The following LRBA variants were observed in gnomAD, a reference collection of about 807,000 sequenced individuals.
LRBA encodes the protein lipopolysaccharide-responsive and beige-like anchor protein.
Under a neutral mutation model 330.0 loss-of-function variants are expected in LRBA, and 176 were observed. The ratio of observed to expected loss-of-function variants is 0.53; its 90% CI spans 0.47 to 0.60. The LOEUF is 0.60. Among genes scored for constraint, LRBA ranks in the 20% least tolerant of loss-of-function variants. The pLI is 0.00. For missense variants in LRBA, 3,259 were observed against 3,444.8 expected, an observed-to-expected ratio of 0.95 and a Z score of 1.35; for synonymous variants, 1,230 against 1,193.0, an observed-to-expected ratio of 1.03 and a Z score of -0.64.
At chr4:150,711,417 T>C (rs1786198978) in intron 36 of LRBA, among the ~76,000 whole-genome samples, 1 of 151,722 alleles carries the variant, frequency 6.6e-6, no homozygotes, top group Non-Finnish European at 1.5e-5. Context: ...TTTGTATTTT[T>C]AGTAGAGAAG....
chr4:150,802,050 TCA>T (rs1466256455), intron 33 of LRBA, among the ~76,000 whole-genome samples: 17 of 15,564 alleles, frequency 1.1e-3, no homozygotes, highest in Non-Finnish European at 3.1e-3. Flanking sequence ...AATAAATAAA[TCA>T]ATAAAATTTT....
chr4:150,587,119 G>A (rs1772206923), intron 40 of LRBA, among the ~76,000 whole-genome samples: 1 of 152,098 alleles, frequency 6.6e-6, no homozygotes. Flanking sequence ...ATATGTGTGA[G>A]ACATGATTTG....
intron 47 of LRBA, among the ~76,000 whole-genome samples, chr4:150,378,208 A>G (rs1561090339): frequency 6.6e-6 from 1 of 152,178 alleles, no homozygotes. Context: ...ACTACCTGCC[A>G]ATTTGGTTTT....
intron 47 of LRBA, among the ~76,000 whole-genome samples, chr4:150,388,179 T>C (rs1306608770): frequency 1.3e-5 from 2 of 152,234 alleles, no homozygotes; most frequent in Non-Finnish European, 2.9e-5. Context: ...ACCCTTCCTC[T>C]TTCATAAAGA....
At position 150,674,938 on chromosome 4, in the gene LRBA, C is replaced by A. The variant is rs146628479; in HGVS notation, c.5921+8613G>T. Among the ~76,000 whole-genome samples the A allele has an allele frequency of 3.9e-3, 585 of 151,910 alleles. 1 individual carries two copies. The highest frequency in any genetic ancestry group is 0.013 in the African/African-American group (551 of 41,424). On this transcript the variant is annotated intron_variant, in intron 37 of 56. Coordinates refer to ENST00000651943, the MANE Select transcript of LRBA (RefSeq NM_001364905.1). Reference sequence around the variant, plus strand: ...CCAACTACTAATATTAAGAAGTTGACTGGGTGTAATGGCTCACGCCTATAA... The same window carrying A: ...CCAACTACTAATATTAAGAAGTTGAATGGGTGTAATGGCTCACGCCTATAA...
At position 150,472,529 on chromosome 4, in the gene LRBA, A is replaced by G. The variant is rs533077621; in HGVS notation, c.6552-790T>C. On this transcript the variant is annotated intron_variant, in intron 42 of 56. Transcript: ENST00000651943. ...AAAATATTTCAAAAGTTGTGCAATTATCACAATTCACTTTAGAACATTTTC... is the reference window on the plus strand; with the variant it reads ...AAAATATTTCAAAAGTTGTGCAATTGTCACAATTCACTTTAGAACATTTTC... Among the ~76,000 whole-genome samples, 42 of 152,300 alleles carry G rather than the reference A, an allele frequency of 2.8e-4. 1 individual carries two copies. Among genetic ancestry groups the G allele is most frequent in the African/African-American group, 9.4e-4 (39 of 41,590 alleles).
At chr4:150,903,477 C>T (rs1251958206) in intron 13 of LRBA, among the ~76,000 whole-genome samples, 3 of 152,022 alleles carry the variant, frequency 2.0e-5, no homozygotes, top group African/African-American at 7.2e-5. Flanking sequence ...ATGGCTCACA[C>T]CTGTGATCCC....
chr4:150,700,757 CCT>C (rs1491166169), intron 36 of LRBA, among the ~76,000 whole-genome samples: 1 of 130,744 alleles, frequency 7.6e-6, no homozygotes, highest in Non-Finnish European at 1.6e-5. Context: ...TCTATAATTT[CCT>C]TTTTTTTTTT....
chr4:150,834,624 C>G (rs1747727889), intron 28 of LRBA, among the ~76,000 whole-genome samples: 1 of 152,162 alleles, frequency 6.6e-6, no homozygotes, highest in African/African-American at 2.4e-5. Context: ...TTTTATAGAG[C>G]ACAGGCAGAG....
chr4:150,805,325 A>AG (rs1491233221), intron 33 of LRBA, among the ~76,000 whole-genome samples: 3 of 134,454 alleles, frequency 2.2e-5, no homozygotes, highest in African/African-American at 6.0e-5. Flanking sequence ...AAAGGAAAGG[A>AG]AAGGAAAGGA....
intron 36 of LRBA, among the ~76,000 whole-genome samples, chr4:150,689,455 TAATA>T (rs776332195): frequency 7.3e-5 from 11 of 151,338 alleles, no homozygotes; most frequent in African/African-American, 1.7e-4. Flanking sequence ...ACTTAAAGTA[TAATA>T]AATAAATAAA....
chr4:150,514,251 T>C (rs1409406450), intron 40 of LRBA, among the ~76,000 whole-genome samples: 5 of 152,140 alleles, frequency 3.3e-5, no homozygotes, highest in Admixed American at 2.0e-4. Flanking sequence ...TTTGTATTTT[T>C]AGTAGAGACG....
chr4:150,663,139 C>A (rs1465286390), intron 37 of LRBA, among the ~76,000 whole-genome samples: 1 of 152,116 alleles, frequency 6.6e-6, no homozygotes, highest in Non-Finnish European at 1.5e-5. Context: ...CACATTCAGA[C>A]CTTGATATAA....
At chr4:150,566,866 T>C (rs973524534) in intron 40 of LRBA, among the ~76,000 whole-genome samples, 1 of 152,140 alleles carries the variant, frequency 6.6e-6, no homozygotes, top group African/African-American at 2.4e-5. Context: ...AAATTGAAAT[T>C]GATGTCAGTT....
chr4:150,404,576 C>T (rs1360183696), intron 47 of LRBA, among the ~76,000 whole-genome samples: 21 of 152,122 alleles, frequency 1.4e-4, no homozygotes, highest in Non-Finnish European at 7.4e-5. Flanking sequence ...TTACAGGTTC[C>T]TGTGTCAGGA....
intron 53 of LRBA, among the ~76,000 whole-genome samples, chr4:150,297,078 C>G (rs1196708184): frequency 3.3e-5 from 5 of 152,074 alleles, no homozygotes; most frequent in Non-Finnish European, 7.4e-5. Context: ...TGGCATGGCA[C>G]TATTAAAAAG....
chr4:150,336,512 G>A (rs1316733683), intron 48 of LRBA, among the ~76,000 whole-genome samples: 1 of 152,040 alleles, frequency 6.6e-6, no homozygotes, highest in Non-Finnish European at 1.5e-5. Context: ...AAGAGAAAGA[G>A]CAGCTTGTTA....
intron 5 of LRBA, among the ~76,000 whole-genome samples, chr4:150,918,605 C>T (rs1430086321): frequency 6.6e-6 from 1 of 152,106 alleles, no homozygotes; most frequent in African/African-American, 2.4e-5. Flanking sequence ...CAAAAGTTAG[C>T]TGGGCATGGT....
intron 40 of LRBA, among the ~76,000 whole-genome samples, chr4:150,557,220 T>G (rs912895292): frequency 1.3e-5 from 2 of 152,158 alleles, no homozygotes; most frequent in Admixed American, 6.5e-5. Context: ...TGGAAGAATT[T>G]GAGCATTAAA....
Sources: allele counts gnomAD v4.1 joint callset (sites outside exome capture counted in the v4.1 genomes callset), GRCh38; gene constraint gnomAD v4.1.1; transcripts MANE v1.5; gene names NCBI Gene and HGNC (gene_info 2026-07-23, HGNC 2026-07-21).